FOCAD: variants seen among roughly 807,000 people sequenced by gnomAD.
FOCAD encodes KIAA1797.
A neutral mutation model predicts 225.6 loss-of-function variants in FOCAD; 198 were observed. That is an observed-to-expected ratio of 0.88 (90% CI 0.78 to 0.99). The LOEUF is 0.99. FOCAD is among the 50% of genes least tolerant of loss of function. FOCAD has a pLI of 0.00. For synonymous variants in FOCAD, 897 were observed against 755.0 expected, an observed-to-expected ratio of 1.19 and a Z score of -3.08; for missense variants, 2,713 against 2,123.6, an observed-to-expected ratio of 1.28 and a Z score of -5.46.
At chr9:20,795,963 C>T (rs546798371) in intron 11 of FOCAD, among the ~76,000 whole-genome samples, 1 of 151,854 alleles carries the variant, frequency 6.6e-6, no homozygotes, top group South Asian at 2.1e-4. Context: ...ATCCCTCCCC[C>T]CTGCCCCCAC....
intron 15 of FOCAD, among the ~76,000 whole-genome samples, chr9:20,835,981 C>T (rs965373055): frequency 6.6e-6 from 1 of 152,048 alleles, no homozygotes; most frequent in Admixed American, 6.6e-5. Flanking sequence ...AGTGATTTCC[C>T]CGGAAATACC....
chr9:20,980,273 G>A (rs934583558), intron 37 of FOCAD, among the ~76,000 whole-genome samples: 1 of 152,070 alleles, frequency 6.6e-6, no homozygotes, highest in Non-Finnish European at 1.5e-5. Flanking sequence ...TGAGGCAAAT[G>A]GAGGTCAAGC....
chr9:20,990,425 A>G (rs1232238715), intron 42 of FOCAD, 51 bp downstream of exon 42: 2 of 1,595,272 alleles, frequency 1.3e-6, no homozygotes, highest in East Asian at 4.5e-5. Flanking sequence ...TTGTCTCTTC[A>G]GCAGTTTCTA....
intron 37 of FOCAD, among the ~76,000 whole-genome samples, chr9:20,979,986 A>G (rs569493430): frequency 2.6e-5 from 4 of 152,278 alleles, no homozygotes; most frequent in African/African-American, 4.8e-5. Context: ...ATCACCAAGA[A>G]TATTTCCATC....
intron 2 of FOCAD, among the ~76,000 whole-genome samples, chr9:20,671,486 C>G (rs1237324497): frequency 2.0e-5 from 3 of 152,124 alleles, no homozygotes; most frequent in Admixed American, 6.5e-5. Context: ...CAGCCAGATT[C>G]AAATGTGCAC....
At chr9:20,859,160 A>C (rs1344556264) in intron 15 of FOCAD, among the ~76,000 whole-genome samples, 1 of 152,218 alleles carries the variant, frequency 6.6e-6, no homozygotes, top group African/African-American at 2.4e-5. Flanking sequence ...GGGTCACCTG[A>C]GGTCAGGAGT....
intron 24 of FOCAD, among the ~76,000 whole-genome samples, chr9:20,922,556 T>C (rs990294270): frequency 3.3e-5 from 5 of 152,212 alleles, no homozygotes; most frequent in African/African-American, 1.2e-4. Context: ...AAGTCTTCAA[T>C]TGAGACTATG....
upstream of FOCAD, among the ~76,000 whole-genome samples, chr9:20,683,026 A>C (rs546019522): frequency 1.3e-5 from 2 of 152,048 alleles, no homozygotes; most frequent in Non-Finnish European, 2.9e-5. Context: ...CGGCCTCCCA[A>C]AGTGCTGGGA....
At chr9:20,917,446 G>T (rs760466441) in intron 24 of FOCAD, among the ~76,000 whole-genome samples, 7 of 152,130 alleles carry the variant, frequency 4.6e-5, no homozygotes, top group Non-Finnish European at 1.0e-4. Flanking sequence ...AAAATTACTT[G>T]AGTGTCACTG....
At position 20,707,745 on chromosome 9, in the gene FOCAD, G is replaced by A. The variant is rs55662116; in HGVS notation, c.-32-7577G>A. ...CAGGGGTGCCAGAGGTAGAAGAAAA[G>A]CCACGTATAAGTGGACCTTTTCTCA... On this transcript the variant is annotated intron_variant, in intron 1 of 43. Transcript: ENST00000338382. Among the ~76,000 whole-genome samples, 128 of 152,296 alleles carry A rather than the reference G, an allele frequency of 8.4e-4. 1 individual carries two copies. The highest frequency in any genetic ancestry group is 2.4e-3 in the African/African-American group (100 of 41,566).
chr9:20,906,668 C>T (rs974879723), intron 21 of FOCAD, among the ~76,000 whole-genome samples: 1 of 152,054 alleles, frequency 6.6e-6, no homozygotes, highest in African/African-American at 2.4e-5. Flanking sequence ...TTTGCCTGCT[C>T]TTACCACTGT....
chr9:20,685,084 C>A (rs1164390325), intron 1 of FOCAD, among the ~76,000 whole-genome samples: 1 of 152,064 alleles, frequency 6.6e-6, no homozygotes, highest in Admixed American at 6.5e-5. Context: ...ACATTCCAAA[C>A]TTTTTTGATG....
chr9:20,664,519 T>G (rs1020479487), intron 2 of FOCAD, among the ~76,000 whole-genome samples: 19 of 151,924 alleles, frequency 1.3e-4, no homozygotes, highest in African/African-American at 4.1e-4. Context: ...TATAATATAT[T>G]CAAGAGGAAT....
intron 27 of FOCAD, 40 bp downstream of exon 27, chr9:20,929,636 A>G (rs759532552): frequency 6.3e-7 from 1 of 1,584,522 alleles, no homozygotes; most frequent in East Asian, 2.2e-5. Context: ...CTTCTTTGTG[A>G]TTTTTTGCAA....
intron 11 of FOCAD, among the ~76,000 whole-genome samples, chr9:20,806,662 A>C (rs1009177673): frequency 6.6e-6 from 1 of 152,176 alleles, no homozygotes; most frequent in African/African-American, 2.4e-5. Flanking sequence ...TACCATGCAA[A>C]TGCTAGTTTT....
intron 4 of FOCAD, among the ~76,000 whole-genome samples, chr9:20,734,754 C>T (rs929892159): frequency 6.6e-6 from 1 of 152,064 alleles, no homozygotes; most frequent in African/African-American, 2.4e-5. Flanking sequence ...AAGTGATCCT[C>T]CCACCTCGGT....
intron 15 of FOCAD, among the ~76,000 whole-genome samples, chr9:20,851,032 G>GA (rs1323148522): frequency 6.6e-6 from 1 of 151,106 alleles, no homozygotes; most frequent in Non-Finnish European, 1.5e-5. Flanking sequence ...TTCTTGAACT[G>GA]AACAATAAAG....
chr9:20,659,434 G>GAAAGAAAGAAAGAAAGAAAT (rs1185550369), intron 2 of FOCAD, among the ~76,000 whole-genome samples: 1 of 150,900 alleles, frequency 6.6e-6, no homozygotes, highest in African/African-American at 2.4e-5. Flanking sequence ...GAGAAAGAAA[G>GAAAGAAAGAAAGAAAGAAAT]AAAGAAAGAC....
chr9:20,887,418 A>T (rs956031653), intron 21 of FOCAD, among the ~76,000 whole-genome samples: 1 of 151,906 alleles, frequency 6.6e-6, no homozygotes, highest in African/African-American at 2.4e-5. Context: ...TATTTTTAGT[A>T]GAGATGGAGT....
Sources: allele counts gnomAD v4.1 joint callset (sites outside exome capture counted in the v4.1 genomes callset), GRCh38; gene constraint gnomAD v4.1.1; transcripts MANE v1.5; gene names NCBI Gene and HGNC (gene_info 2026-07-23, HGNC 2026-07-21).